Variants in FAM83A observed in about 807,000 individuals in gnomAD.
FAM83A encodes the protein protein FAM83A.
FAM83A carries 21 observed loss-of-function variants against 24.4 expected under a neutral mutation model. The observed-to-expected ratio is 0.86, with a 90% CI of 0.61 to 1.24. The LOEUF (loss-of-function observed/expected upper bound fraction) is 1.24. Among genes scored for constraint, FAM83A ranks in the 50% most tolerant of loss-of-function variants. The pLI, the probability that FAM83A is intolerant of heterozygous loss-of-function variation, is 0.00. For synonymous variants in FAM83A, 270 were observed against 252.4 expected (o/e 1.07, Z -0.66); for missense variants, 617 against 579.8 (o/e 1.06, Z -0.66).
chr8:123,198,131 A>AAAATAAAT lies in FAM83A; in HGVS notation c.773+3999_773+4006dup, dbSNP rs893727326. Among the ~76,000 whole-genome samples, 112 of 152,216 alleles carry AAAATAAAT rather than the reference A, an allele frequency of 7.4e-4. 1 individual carries two copies. Among genetic ancestry groups the AAAATAAAT allele is most frequent in the Non-Finnish European group, 1.3e-3 (91 of 67,998 alleles). On this transcript the variant is annotated intron_variant, in intron 3 of 3. Transcript: ENST00000690554. ...GGGTGACAGAGTGAGACTCTCCCTT[A>AAAATAAAT]AAATAAATAAATAAATAAATAAAGT... is the stretch of plus-strand genomic sequence containing the variant.
intron 1 of FAM83A, among the ~76,000 whole-genome samples, chr8:123,186,173 G>C (rs73341731): frequency 3.2e-4 from 49 of 152,264 alleles, no homozygotes; most frequent in African/African-American, 1.2e-3. Context: ...ATTTTTAAGA[G>C]TGGAAGGAAG....
At chr8:123,203,089 G>A (rs903847815) in intron 3 of FAM83A, among the ~76,000 whole-genome samples, 1 of 152,074 alleles carries the variant, frequency 6.6e-6, no homozygotes, top group South Asian at 2.1e-4. Flanking sequence ...CTCCCCGTAT[G>A]TAAAATGGGA....
intron 2 of FAM83A, 111 bp from the exon 3 acceptor site, chr8:123,193,913 T>G: frequency 7.4e-7 from 1 of 1,353,390 alleles, no homozygotes; most frequent in Non-Finnish European, 1.0e-6. Context: ...CCCTGGGGAT[T>G]AGGTTTCAAC....
At chr8:123,207,957 C>CA in exon 4 of FAM83A, 1 of 1,224,906 alleles carries the variant, frequency 8.2e-7, no homozygotes. Context: ...ATCATGAAAA[C>CA]AGAGTCCCTG....
chr8:123,204,710 G>C (rs577110505), intron 3 of FAM83A, among the ~76,000 whole-genome samples: 4 of 152,072 alleles, frequency 2.6e-5, no homozygotes, highest in South Asian at 2.1e-4. Flanking sequence ...GCAGTGAGCC[G>C]AGATCGCGCC....
chr8:123,184,795 C>A (rs1168500138), intron 1 of FAM83A, among the ~76,000 whole-genome samples: 1 of 152,172 alleles, frequency 6.6e-6, no homozygotes, highest in Non-Finnish European at 1.5e-5. Context: ...CTCTGTCTCC[C>A]TCTCTCCCTC....
chr8:123,188,017 C>A (rs1475784555), intron 1 of FAM83A, among the ~76,000 whole-genome samples: 1 of 151,506 alleles, frequency 6.6e-6, no homozygotes, highest in African/African-American at 2.4e-5. Context: ...CATGCCACCA[C>A]CCCAGCTAAC....
chr8:123,207,236 G>A (rs766490491), exon 4 of FAM83A: 2 of 1,612,630 alleles, frequency 1.2e-6, no homozygotes, highest in East Asian at 2.2e-5. Context: ...GTTTGACGAG[G>A]AGTTCCGCCA....
chr8:123,205,597 G>T (rs1212172507), intron 3 of FAM83A, among the ~76,000 whole-genome samples: 4 of 152,184 alleles, frequency 2.6e-5, no homozygotes, highest in Non-Finnish European at 5.9e-5. Flanking sequence ...AAGACAGGTG[G>T]GCTGGGGGCT....
At chr8:123,195,973 C>G (rs1033647367) in intron 3 of FAM83A, among the ~76,000 whole-genome samples, 1 of 152,248 alleles carries the variant, frequency 6.6e-6, no homozygotes, top group African/African-American at 2.4e-5. Context: ...TTCAAACTTG[C>G]TGATAGATTT....
At chr8:123,183,313 C>T (rs768624225) in exon 1 of FAM83A, 99 of 1,612,636 alleles carry the variant, frequency 6.1e-5, no homozygotes, top group Non-Finnish European at 8.0e-5. Context: ...CCTCGTCCGC[C>T]GCTGCATCAC....
At chr8:123,200,858 G>A (rs1409793977) in intron 3 of FAM83A, among the ~76,000 whole-genome samples, 2 of 151,890 alleles carry the variant, frequency 1.3e-5, no homozygotes, top group Admixed American at 6.6e-5. Context: ...GGGAGGCTGA[G>A]GCAGTAGAAT....
chr8:123,209,199 C>T lies in FAM83A; in HGVS notation c.*1511C>T, dbSNP rs111965053. ...CCCTTGTCGGTTTTTGGCGGGGAAG[C>T]TCAGCCTTCGCTGTGGAGGGACGAG... On this transcript the variant is annotated 3_prime_UTR_variant, in exon 4 of 4. Transcript: ENST00000690554. The surrounding 1 kb of genome is among the most constrained non-coding windows in gnomAD (Gnocchi z 4.7). 3.3e-3 allele frequency: 3,860 copies of T among 1,161,228 alleles called. 95 individuals carry two copies. In the African/African-American group the frequency reaches 0.056, roughly 17 times the overall value. The allele number at this position is 1,161,228 out of a possible 1,614,324, so 71.9% of individuals were successfully genotyped here. A position where few individuals can be genotyped will look rare whatever the true frequency, so the allele number is the denominator to read the frequency against.
chr8:123,191,925 C>T, exon 2 of FAM83A: 1 of 1,614,166 alleles, frequency 6.2e-7, no homozygotes, highest in Non-Finnish European at 8.5e-7. Flanking sequence ...TGAAGCTCTT[C>T]CAGGAGATGT....
intron 1 of FAM83A, among the ~76,000 whole-genome samples, chr8:123,186,774 G>A (rs13261871): frequency 1.3e-5 from 2 of 152,308 alleles, no homozygotes; most frequent in East Asian, 3.9e-4. Flanking sequence ...AGGCTGCAGT[G>A]AGCCAAGATG....
exon 4 of FAM83A, chr8:123,207,358 C>T (rs1298956026): frequency 6.2e-6 from 10 of 1,611,414 alleles, no homozygotes; most frequent in East Asian, 2.2e-5. Context: ...GCAGTGGCTC[C>T]GCCAGTGACC....
chr8:123,196,548 CT>C (rs1824161842), intron 3 of FAM83A, among the ~76,000 whole-genome samples: 2 of 151,952 alleles, frequency 1.3e-5, no homozygotes, highest in African/African-American at 4.8e-5. Context: ...TATATTTTTA[CT>C]CTTTTCTTTT....
At chr8:123,188,536 T>G (rs1586776976) in intron 1 of FAM83A, among the ~76,000 whole-genome samples, 5 of 150,790 alleles carry the variant, frequency 3.3e-5, no homozygotes. Flanking sequence ...CAGGCTGGAG[T>G]GCGGTGGTGA....
intron 3 of FAM83A, 58 bp from the exon 4 acceptor site, chr8:123,207,076 CTCCCCTCCCCCTCCTCCTCCACT>C: frequency 6.9e-6 from 3 of 436,320 alleles, no homozygotes; most frequent in Non-Finnish European, 1.0e-5. Flanking sequence ...CTCCCTCTTC[CTCCCCTCCCCCTCCTCCTCCACT>C]TCCCCTCCCC....
Sources: allele counts gnomAD v4.1 joint callset (sites outside exome capture counted in the v4.1 genomes callset), GRCh38; gene constraint gnomAD v4.1.1; non-coding constraint Gnocchi (gnomAD v3.1); transcripts MANE v1.5; gene names NCBI Gene and HGNC (gene_info 2026-07-23, HGNC 2026-07-21).